ABCB11: variants seen among roughly 807,000 people sequenced by gnomAD.
The protein encoded by ABCB11 is bile salt export pump.
ABCB11 carries 95 observed loss-of-function variants against 148.0 expected under a neutral mutation model. That is an observed-to-expected ratio of 0.64 (90% CI 0.54 to 0.76). ABCB11 has a LOEUF of 0.76. Ranked by LOEUF, ABCB11 falls within the 30% of genes least tolerant of loss-of-function variation. ABCB11 has a pLI of 0.00. For synonymous variants in ABCB11, 591 were observed against 555.4 expected (o/e 1.06, Z -0.90); for missense variants, 1,523 against 1,617.8 (o/e 0.94, Z 1.01).
chr2:168,985,456 T>C (rs1323639786), intron 10 of ABCB11, among the ~76,000 whole-genome samples: 1 of 152,180 alleles, frequency 6.6e-6, no homozygotes, highest in Non-Finnish European at 1.5e-5. Context: ...CGCATGTTTA[T>C]AGCAGCACAA....
At position 169,013,285 on chromosome 2, in the gene ABCB11, C is replaced by T; in HGVS notation, c.376G>A (p.Gly126Arg). Residue 126 changes from glycine to arginine, a missense_variant, in exon 5 of 28, where the codon GGA becomes AGA. Coordinates refer to ENST00000650372, the MANE Select transcript of ABCB11 (RefSeq NM_003742.4). ...NSSLNQNMTN[G>R]TRCGLLNIES... The stretch of plus-strand genomic sequence containing the variant: ...AAAACAACCTACCCACAACGTGTTC[C>T]ATTTGTCATGTTCTGGTTGAGGGAA... The T allele has an allele frequency of 6.2e-7, 1 of 1,609,140 alleles. No homozygotes were observed. Among genetic ancestry groups the T allele is most frequent in the Non-Finnish European group, 8.5e-7 (1 of 1,176,798 alleles).
rs550847497 is a variant in ABCB11, at chr2:168,922,685, G to A, written c.*937C>T. Among the ~76,000 whole-genome samples the A allele has an allele frequency of 7.8e-4, 118 of 152,184 alleles. No homozygotes were observed. Among genetic ancestry groups the A allele is most frequent in the African/African-American group, 2.6e-3 (109 of 41,510 alleles). On this transcript the variant is annotated 3_prime_UTR_variant, in exon 28 of 28. Coordinates refer to ENST00000650372, the MANE Select transcript of ABCB11 (RefSeq NM_003742.4). ...TTCTTCATTCTTGTAGATTCCTGCC[G>A]CCTTTAGTTCTATGTCATTCTGTGG...
chr2:168,953,237 T>C (rs757855645), intron 19 of ABCB11, among the ~76,000 whole-genome samples: 1 of 151,656 alleles, frequency 6.6e-6, no homozygotes, highest in Non-Finnish European at 1.5e-5. Flanking sequence ...TAAAATCCAG[T>C]TTATGTCCAA....
In ABCB11 at chr2:168,995,471, C is replaced by T; in HGVS notation, c.489G>A (p.Trp163Ter). ...LITGYIQICF[W>*]VIAAARQIQK... ...GTATCTGACGAGCTGCGGCAATGAC[C>T]CAAAAGCATATCTGGAAATGGACAA... Residue 163 changes from tryptophan (W) to a stop codon, truncating the protein, a stop_gained, in exon 7 of 28, where the codon TGG becomes TGA. Transcript: ENST00000650372. LOFTEE classifies it high-confidence loss of function. 3 of 1,610,414 alleles carry T rather than the reference C, an allele frequency of 1.9e-6. No individual in the cohort carries two copies. The highest frequency in any genetic ancestry group is 2.5e-6 in the Non-Finnish European group (3 of 1,178,254).
At chr2:168,960,978 A>G (rs997726871) in intron 18 of ABCB11, among the ~76,000 whole-genome samples, 1 of 150,322 alleles carries the variant, frequency 6.7e-6, no homozygotes, top group Non-Finnish European at 1.5e-5. Context: ...TTTAAAAAAA[A>G]TCATATGTAA....
chr2:168,945,512 A>G (rs1298796205), intron 19 of ABCB11, among the ~76,000 whole-genome samples: 1 of 151,856 alleles, frequency 6.6e-6, no homozygotes, highest in Non-Finnish European at 1.5e-5. Context: ...AAATGATTAA[A>G]ACATTTAAGT....
chr2:168,917,314 C>G (rs771943970), downstream of ABCB11, among the ~76,000 whole-genome samples: 3 of 151,938 alleles, frequency 2.0e-5, no homozygotes, highest in Non-Finnish European at 4.4e-5. Context: ...TAACTGAGAG[C>G]CTGTTTTCAA....
chr2:168,938,085 G>A (rs1477276722), intron 21 of ABCB11, among the ~76,000 whole-genome samples: 1 of 152,166 alleles, frequency 6.6e-6, no homozygotes, highest in African/African-American at 2.4e-5. Context: ...GTAACCATTC[G>A]ATGCTAAGGC....
intron 27 of ABCB11, 52 bp downstream of exon 27, chr2:168,924,605 C>T (rs1190107639): frequency 9.6e-6 from 15 of 1,557,818 alleles, no homozygotes; most frequent in Admixed American, 5.4e-5. Flanking sequence ...ACAAATTTTA[C>T]AGCAAAAGAC....
chr2:168,932,510 C>T lies in ABCB11; in HGVS notation c.3080G>A (p.Ser1027Asn). 3.1e-6 allele frequency: 5 copies of T among 1,613,630 alleles called. No homozygotes were observed. Among genetic ancestry groups the T allele is most frequent in the Non-Finnish European group, 4.2e-6 (5 of 1,179,784 alleles). The change falls in exon 24 of 28, where the codon AGT becomes AAT. Residue 1027 changes from serine (S) to asparagine (N), a missense_variant. Transcript: ENST00000650372. ...GAAGGCTCTTCCAAGAGCTGTTGCA[C>T]TCAGTACAACTGCAGAGATCACCCT... ...VFRVISAVVL[S>N]ATALGRAFSY...
Position 168,932,182 on chromosome 2 carries a change from C to T in ABCB11, c.3213+195G>A, listed in dbSNP as rs571348733. On this transcript the variant is annotated intron_variant, in intron 24 of 27. Transcript: ENST00000650372. ...CCCCACACCATCCCCTGACAGGCCC[C>T]GGTGTGTGATGTTCCCCACCCTGTG... is the stretch of plus-strand genomic sequence containing the variant. Among the ~76,000 whole-genome samples the T allele has an allele frequency of 4.6e-5, 7 of 152,156 alleles. No individual in the cohort carries two copies. The South Asian group carries it at 8.3e-4, about 18-fold the overall frequency.
At chr2:169,020,949 A>C (rs771165680) in intron 1 of ABCB11, among the ~76,000 whole-genome samples, 1 of 152,028 alleles carries the variant, frequency 6.6e-6, no homozygotes, top group Non-Finnish European at 1.5e-5. Context: ...TGAATTTTTT[A>C]AAGTCAAGAC....
chr2:168,997,123 C>T (rs6433102), intron 5 of ABCB11, among the ~76,000 whole-genome samples: 123,611 of 151,900 alleles, frequency 0.81, 51,172 homozygotes, highest in East Asian at 1. Context: ...CAATCACAGG[C>T]AAGAAAGATT....
chr2:168,979,653 CAA>C (rs1338421846), intron 11 of ABCB11, among the ~76,000 whole-genome samples: 1 of 104,240 alleles, frequency 9.6e-6, no homozygotes, highest in Non-Finnish European at 1.8e-5. Flanking sequence ...GCCTGGGCAA[CAA>C]GAGCGAAACT....
At position 168,923,597 on chromosome 2, in the gene ABCB11, G is replaced by A. The variant is rs1397600025; in HGVS notation, c.*25C>T. 6.2e-7 allele frequency: 1 copy of A among 1,610,224 alleles called. No individual in the cohort carries two copies. The highest frequency in any genetic ancestry group is 8.5e-7 in the Non-Finnish European group (1 of 1,176,540). On this transcript the variant is annotated 3_prime_UTR_variant, in exon 28 of 28. Transcript: ENST00000650372. ...ACAACCCCTGTAACTGGTGCGTCAT[G>A]TGTGTCTGAGATTCTTGCATTGGGT...
intron 9 of ABCB11, among the ~76,000 whole-genome samples, chr2:168,988,293 T>A (rs77911069): frequency 2.6e-5 from 4 of 152,002 alleles, no homozygotes; most frequent in African/African-American, 7.3e-5. Context: ...CACCTCAAAG[T>A]CCCTGGTAAC....
chr2:168,935,828 T>C (rs957485924), intron 22 of ABCB11, among the ~76,000 whole-genome samples: 2 of 152,216 alleles, frequency 1.3e-5, no homozygotes, highest in African/African-American at 2.4e-5. Context: ...CAAAGGCATG[T>C]GCCATTAAAA....
At chr2:168,936,099 G>A in intron 22 of ABCB11, 131 bp downstream of exon 22, 2 of 849,974 alleles carry the variant, frequency 2.4e-6, no homozygotes, top group Admixed American at 2.9e-5. Context: ...AAAGGGTGGT[G>A]GAAGGTTCTT....
intron 10 of ABCB11, among the ~76,000 whole-genome samples, chr2:168,985,390 T>TA (rs1694281662): frequency 6.6e-6 from 1 of 152,136 alleles, no homozygotes; most frequent in South Asian, 2.1e-4. Flanking sequence ...GCAATCCCAC[T>TA]ACTGGGTATC....
Sources: allele counts gnomAD v4.1 joint callset (sites outside exome capture counted in the v4.1 genomes callset), GRCh38; gene constraint gnomAD v4.1.1; transcripts MANE v1.5; gene names NCBI Gene and HGNC (gene_info 2026-07-23, HGNC 2026-07-21).